SLC35D2: variants seen among roughly 807,000 people sequenced by gnomAD.
SLC35D2 encodes the protein nucleotide sugar transporter SLC35D2.
A neutral mutation model predicts 41.8 loss-of-function variants in SLC35D2; 43 were observed. The ratio of observed to expected loss-of-function variants is 1.03; its 90% CI spans 0.81 to 1.33. The LOEUF is 1.33. Ranked by LOEUF, SLC35D2 falls within the 40% of genes most tolerant of loss-of-function variation. The pLI, the probability that SLC35D2 is intolerant of heterozygous loss-of-function variation, is 0.00. For missense variants in SLC35D2, 380 were observed against 408.4 expected (o/e 0.93, Z 0.60); for synonymous variants, 150 against 163.9 (o/e 0.92, Z 0.65).
At chr9:96,369,179 T>C (rs942129156) in intron 1 of SLC35D2, among the ~76,000 whole-genome samples, 1 of 152,100 alleles carries the variant, frequency 6.6e-6, no homozygotes, top group Non-Finnish European at 1.5e-5. Context: ...AATCGCTACA[T>C]AGTGATTCAT....
At chr9:96,326,111 T>C (rs1229519305) in intron 9 of SLC35D2, among the ~76,000 whole-genome samples, 1 of 152,238 alleles carries the variant, frequency 6.6e-6, no homozygotes, top group African/African-American at 2.4e-5. Context: ...GCAATTTTAA[T>C]TTGAAAGAAG....
At chr9:96,319,131 G>A (rs1364642391), downstream of SLC35D2, among the ~76,000 whole-genome samples, 1 of 152,208 alleles carries the variant, frequency 6.6e-6, no homozygotes, top group Non-Finnish European at 1.5e-5. Context: ...TCCATCAGCA[G>A]ATGACTGGAT....
intron 3 of SLC35D2, among the ~76,000 whole-genome samples, chr9:96,363,988 C>T (rs1384918744): frequency 6.6e-6 from 1 of 152,142 alleles, no homozygotes; most frequent in Non-Finnish European, 1.5e-5. Context: ...TACTGCATTA[C>T]ATAAATGGAC....
intron 9 of SLC35D2, among the ~76,000 whole-genome samples, chr9:96,332,737 C>T (rs909436918): frequency 6.6e-6 from 1 of 151,122 alleles, no homozygotes; most frequent in African/African-American, 2.4e-5. Context: ...CGAGATCGCG[C>T]CACTGCACTC....
At chr9:96,333,130 C>CTCA (rs1828885640) in intron 9 of SLC35D2, among the ~76,000 whole-genome samples, 1 of 151,116 alleles carries the variant, frequency 6.6e-6, no homozygotes, top group African/African-American at 2.4e-5. Context: ...ATCTCCTGAC[C>CTCA]TCATGATCTG....
intron 9 of SLC35D2, among the ~76,000 whole-genome samples, chr9:96,329,525 G>A (rs531521033): frequency 2.0e-5 from 3 of 152,118 alleles, no homozygotes; most frequent in Non-Finnish European, 4.4e-5. Flanking sequence ...ACTGTGTCTG[G>A]CATAGATTTC....
chr9:96,358,078 T>TAATATATATATATATATATA (rs1491320526), intron 4 of SLC35D2, among the ~76,000 whole-genome samples: 1 of 79,258 alleles, frequency 1.3e-5, no homozygotes, highest in Non-Finnish European at 2.4e-5. Flanking sequence ...ATATTATATA[T>TAATATATATATATATATATA]TTTATATATA....
intron 4 of SLC35D2, among the ~76,000 whole-genome samples, chr9:96,354,267 A>G (rs1829929333): frequency 1.3e-5 from 2 of 152,234 alleles, no homozygotes; most frequent in Admixed American, 6.5e-5. Context: ...GGTTCTAGAC[A>G]GTGCAGTTAG....
At chr9:96,336,592 G>A (rs886426883) in intron 9 of SLC35D2, 125 bp downstream of exon 9, 4 of 660,566 alleles carry the variant, frequency 6.1e-6, no homozygotes, top group African/African-American at 5.5e-5. Flanking sequence ...TGCTGCAGGG[G>A]TACTTTCCAG....
chr9:96,366,968 C>T (rs576457883), intron 2 of SLC35D2, among the ~76,000 whole-genome samples: 13 of 151,382 alleles, frequency 8.6e-5, no homozygotes, highest in African/African-American at 2.9e-4. Context: ...TGCCTGTAAT[C>T]CCAGCACTTT....
chr9:96,355,558 G>A (rs1189326089), intron 4 of SLC35D2, among the ~76,000 whole-genome samples: 1 of 151,686 alleles, frequency 6.6e-6, no homozygotes, highest in Non-Finnish European at 1.5e-5. Context: ...GTGCAATGGC[G>A]CAATCTTGGC....
Position 96,343,888 on chromosome 9 carries a change from A to T in SLC35D2, c.684+16T>A. ...AAGCCAGCTAAGGAAAACTGTAATGATTGTCATCAGCTCACCTGTTGCAGG... is the reference window on the plus strand; with the variant it reads ...AAGCCAGCTAAGGAAAACTGTAATGTTTGTCATCAGCTCACCTGTTGCAGG... On this transcript the variant is annotated intron_variant, in intron 8 of 11. Transcript: ENST00000253270. 1 of 1,480,432 alleles carries T rather than the reference A, an allele frequency of 6.8e-7. No individual in the cohort carries two copies. Among genetic ancestry groups the T allele is most frequent in the South Asian group, 1.3e-5 (1 of 76,708 alleles). The allele number at this position is 1,480,432 out of a possible 1,614,324, so 91.7% of individuals were successfully genotyped here.
chr9:96,382,109 A>G (rs1831219215), intron 1 of SLC35D2, among the ~76,000 whole-genome samples: 1 of 152,176 alleles, frequency 6.6e-6, no homozygotes, highest in Non-Finnish European at 1.5e-5. Context: ...AGTATTTAGT[A>G]GGTGCTTAAT....
chr9:96,317,790 G>A (rs542999610), downstream of SLC35D2, among the ~76,000 whole-genome samples: 302 of 151,496 alleles, frequency 2.0e-3, 11 homozygotes, highest in Non-Finnish European at 1.8e-3. Context: ...CTGGGAGGCC[G>A]AGGAGGGTGG....
chr9:96,353,566 G>A (rs948344396), intron 4 of SLC35D2, among the ~76,000 whole-genome samples: 4 of 152,050 alleles, frequency 2.6e-5, no homozygotes, highest in Admixed American at 6.5e-5. Context: ...GGCTGGTCTC[G>A]AACTCCTGAT....
At chr9:96,358,607 T>C (rs568193211) in intron 4 of SLC35D2, among the ~76,000 whole-genome samples, 1 of 152,224 alleles carries the variant, frequency 6.6e-6, no homozygotes, top group African/African-American at 2.4e-5. Flanking sequence ...ATTGAAGGTG[T>C]CAGGACACTA....
chr9:96,363,592 C>G (rs73538940), intron 3 of SLC35D2, among the ~76,000 whole-genome samples: 5 of 152,196 alleles, frequency 3.3e-5, no homozygotes, highest in African/African-American at 9.6e-5. Context: ...GAAGGAATGG[C>G]AGATTTTATG....
intron 4 of SLC35D2, chr9:96,357,479 G>A (rs1413110066): frequency 6.6e-6 from 1 of 152,116 alleles, no homozygotes. Flanking sequence ...AGGCCACAGT[G>A]AGCCATGATT....
chr9:96,345,623 C>T lies in SLC35D2; in HGVS notation c.489-222G>A, dbSNP rs137916459. Among the ~76,000 whole-genome samples, 10 of 152,312 alleles carry T rather than the reference C, an allele frequency of 6.6e-5. No individual in the cohort carries two copies. The South Asian group carries it at 1.2e-3, about 19-fold the overall frequency. ...AATCGTGAATGGCTTAAAACCAGAG[C>T]GACATTAAGCATCTTCCTTCAACTG... On this transcript the variant is annotated intron_variant, in intron 6 of 11. Coordinates refer to ENST00000253270, the MANE Select transcript of SLC35D2 (RefSeq NM_007001.3).
Sources: gnomAD v4.1 joint callset for allele counts (sites outside exome capture counted in the v4.1 genomes callset) on GRCh38, gnomAD v4.1.1 for gene constraint, MANE v1.5 for transcripts, NCBI Gene and HGNC (gene_info 2026-07-23, HGNC 2026-07-21) for gene names.